TNN: variants seen among roughly 807,000 people sequenced by gnomAD.
The protein encoded by TNN is tenascin-N.
A neutral mutation model predicts 134.4 loss-of-function variants in TNN; 122 were observed. That is an observed-to-expected ratio of 0.91 (90% CI 0.78 to 1.06). The LOEUF is 1.06. TNN is among the 50% of genes least tolerant of loss of function. The probability of loss-of-function intolerance (pLI) is 0.00; values close to 1 mark genes in which losing one functional copy is unlikely to be tolerated. For missense variants in TNN, 1,739 were observed against 1,699.4 expected (o/e 1.02, Z -0.41); for synonymous variants, 710 against 670.3 (o/e 1.06, Z -0.91).
chr1:175,125,670 C>T (rs201141703), intron 12 of TNN, among the ~76,000 whole-genome samples: 2 of 72,672 alleles, frequency 2.8e-5, no homozygotes, highest in Admixed American at 1.5e-4. Context: ...TCCTTCTCTC[C>T]CTCCCTCCCT....
At position 175,145,552 on chromosome 1, in the gene TNN, CAAA is replaced by C. The variant is rs3028580; in HGVS notation, c.3759+1023_3759+1025del. On this transcript the variant is annotated intron_variant, in intron 18 of 18. Coordinates refer to ENST00000239462, the MANE Select transcript of TNN (RefSeq NM_022093.2). ...TGGGTGGCAGAGCAAGACCCTGTCT[CAAA>C]AAAAAAAAAAAAAAAAAAAAGCTGT... is the stretch of plus-strand genomic sequence containing the variant. Among the ~76,000 whole-genome samples, 136 of 28,906 alleles carry C rather than the reference CAAA, an allele frequency of 4.7e-3. 4 individuals are homozygous for C. The highest frequency in any genetic ancestry group is 0.011 in the African/African-American group (79 of 6,870). The allele number at this position is 28,906 out of a possible 152,430, so 19.0% of individuals were successfully genotyped here. A position where few individuals can be genotyped will look rare whatever the true frequency, so the allele number is the denominator to read the frequency against.
intron 9 of TNN, among the ~76,000 whole-genome samples, chr1:175,105,836 G>C (rs1674836421): frequency 6.9e-6 from 1 of 145,160 alleles, no homozygotes; most frequent in Non-Finnish European, 1.5e-5. Context: ...GGTTTGTTTT[G>C]TTTCTCTCCC....
At chr1:175,085,704 G>T (rs1674309080) in intron 6 of TNN, among the ~76,000 whole-genome samples, 1 of 151,932 alleles carries the variant, frequency 6.6e-6, no homozygotes, top group Non-Finnish European at 1.5e-5. Context: ...GAGAAACCCT[G>T]TCTCTACTAA....
chr1:175,104,076 C>T (rs191009327), intron 9 of TNN, among the ~76,000 whole-genome samples: 2 of 145,990 alleles, frequency 1.4e-5, no homozygotes, highest in African/African-American at 4.9e-5. Flanking sequence ...GTGGGACTTT[C>T]AGACATAACA....
At chr1:175,085,358 G>T in intron 5 of TNN, 47 bp from the exon 6 acceptor site, 1 of 1,189,362 alleles carries the variant, frequency 8.4e-7, no homozygotes, top group East Asian at 2.4e-5. Context: ...CTGGGGAGAG[G>T]GGTCTGGAGC....
At chr1:175,076,601 A>T (rs575219159) in intron 1 of TNN, among the ~76,000 whole-genome samples, 1 of 152,332 alleles carries the variant, frequency 6.6e-6, no homozygotes, top group Admixed American at 6.5e-5. Context: ...TTTATTAGAA[A>T]TTCTTATGTT....
intron 9 of TNN, among the ~76,000 whole-genome samples, chr1:175,116,679 C>G (rs1306642851): frequency 6.6e-6 from 1 of 152,222 alleles, no homozygotes; most frequent in Non-Finnish European, 1.5e-5. Context: ...CACCTCTGCT[C>G]TGCCTCTCTG....
chr1:175,144,241 G>A (rs1488170717), intron 17 of TNN, 146 bp from the exon 18 acceptor site: 1 of 725,580 alleles, frequency 1.4e-6, no homozygotes, highest in Non-Finnish European at 2.3e-6. Context: ...CATTTGGGCT[G>A]TTTTGAGAGA....
intron 13 of TNN, among the ~76,000 whole-genome samples, chr1:175,127,725 T>G (rs945614433): frequency 7.2e-5 from 11 of 152,210 alleles, no homozygotes; most frequent in Non-Finnish European, 1.0e-4. Context: ...CCACTATAGT[T>G]AGAGCCCCTG....
chr1:175,092,909 T>G (rs1169350845), intron 6 of TNN, among the ~76,000 whole-genome samples: 1 of 152,212 alleles, frequency 6.6e-6, no homozygotes, highest in Non-Finnish European at 1.5e-5. Flanking sequence ...CCCTCATTAC[T>G]GCTGCAGTGG....
chr1:175,127,932 G>C lies in TNN; in HGVS notation c.3046-100G>C, dbSNP rs984405508. On this transcript the variant is annotated intron_variant, in intron 13 of 18. Coordinates refer to ENST00000239462, the MANE Select transcript of TNN (RefSeq NM_022093.2). ...AGAGACAAAACACTGTGCTCTCAGA[G>C]AGCTTCTGTCATTAGCACCAGGGAA... 11 of 1,427,626 alleles carry C rather than the reference G, an allele frequency of 7.7e-6. No individual in the cohort carries two copies. In the African/African-American group the frequency reaches 1.5e-4, roughly 20 times the overall value. 88.4% of individuals were successfully genotyped at this position (1,427,626 alleles called of 1,614,324 possible).
At chr1:175,073,049 C>T (rs943876871) in intron 1 of TNN, among the ~76,000 whole-genome samples, 2 of 147,862 alleles carry the variant, frequency 1.4e-5, no homozygotes, top group African/African-American at 5.0e-5. Flanking sequence ...GAGAAGTCTG[C>T]TTTTTCAGCC....
chr1:175,133,677 G>A (rs74126909), intron 15 of TNN, among the ~76,000 whole-genome samples: 1,577 of 152,036 alleles, frequency 0.01, 32 homozygotes, highest in African/African-American at 0.036. Flanking sequence ...TTCTTCCTAC[G>A]TGATCTCAGC....
chr1:175,097,665 G>C lies in TNN; in HGVS notation c.1837G>C (p.Asp613His), dbSNP rs761069028. 1 of 1,614,182 alleles carries C rather than the reference G, an allele frequency of 6.2e-7. No homozygotes were observed. Among genetic ancestry groups the C allele is most frequent in the Admixed American group, 1.7e-5 (1 of 60,020 alleles). Reference sequence around the variant, plus strand: ...GGGGGACCGAGAGAGCAAGAAGGCTGACACCAACGCCCCGACAGGTAACAA... The same window carrying C: ...GGGGGACCGAGAGAGCAAGAAGGCTCACACCAACGCCCCGACAGGTAACAA... ...QKGDRESKKADTNAPTDIDSP... is the reference protein window; with the variant it reads ...QKGDRESKKAHTNAPTDIDSP... The change falls in exon 8 of 19, where the codon GAC becomes CAC. Residue 613 changes from aspartate (D) to histidine (H), a missense_variant. Transcript: ENST00000239462.
At chr1:175,080,545 C>T in intron 4 of TNN, 119 bp downstream of exon 4, 1 of 1,229,788 alleles carries the variant, frequency 8.1e-7, no homozygotes, top group Non-Finnish European at 1.1e-6. Context: ...ACACCTGCCA[C>T]AATCCTAGGT....
rs187983088 is a variant in TNN, at chr1:175,120,407, C to T, written c.2650+1583C>T. On this transcript the variant is annotated intron_variant, in intron 11 of 18. Transcript: ENST00000239462. ...GTAATAGGATATACATAGACAGAAA[C>T]ACTCAAATAACAGTTGCATCAGCAG... Among the ~76,000 whole-genome samples the T allele has an allele frequency of 1.8e-3, 269 of 152,318 alleles. 2 individuals carry two copies. The South Asian group carries it at 0.019, about 11-fold the overall frequency.
chr1:175,117,061 G>C lies in TNN; in HGVS notation c.2242G>C (p.Gly748Arg). The C allele has an allele frequency of 4.3e-6, 7 of 1,614,244 alleles. No individual in the cohort carries two copies. The highest frequency in any genetic ancestry group is 5.9e-6 in the Non-Finnish European group (7 of 1,180,042). The change falls in exon 10 of 19, where the codon GGA (glycine) becomes CGA (arginine). Residue 748 changes from glycine (G) to arginine (R), a missense_variant. By Grantham distance (125) the Gly-to-Arg change is moderately radical (BLOSUM62 -2). Coordinates refer to ENST00000239462, the MANE Select transcript of TNN (RefSeq NM_022093.2). ...GGTGCGCTACACCTCTGCCAAGGAC[G>C]GAGAGACCAGGGAGGTTCCGGTGGG... ...YVVRYTSAKDGETREVPVGKE... is the reference protein window; with the variant it reads ...YVVRYTSAKDRETREVPVGKE...
At chr1:175,140,356 T>G (rs12562948) in intron 17 of TNN, among the ~76,000 whole-genome samples, 42,320 of 152,034 alleles carry the variant, frequency 0.28, 6,455 homozygotes, top group East Asian at 0.43. Context: ...GGACACAATA[T>G]GAAGTGGGTG....
At chr1:175,109,224 G>A (rs1333860428) in intron 9 of TNN, among the ~76,000 whole-genome samples, 1 of 147,316 alleles carries the variant, frequency 6.8e-6, no homozygotes, top group Non-Finnish European at 1.5e-5. Flanking sequence ...GAGTAGCTGG[G>A]ACTACAGGCG....
Sources: gnomAD v4.1 joint callset for allele counts (sites outside exome capture counted in the v4.1 genomes callset) on GRCh38, gnomAD v4.1.1 for gene constraint, MANE v1.5 for transcripts, NCBI Gene and HGNC (gene_info 2026-07-23, HGNC 2026-07-21) for gene names.